CPS1: variants seen among roughly 807,000 people sequenced by gnomAD.
CPS1 encodes the protein carbamoyl-phosphate synthase 1, also known as carbamoyl-phosphate synthase [ammonia], mitochondrial.
In CPS1, 109 loss-of-function variants were observed where a neutral mutation model predicts 174.6. The observed-to-expected ratio is 0.62, with a 90% confidence interval of 0.53 to 0.73. The LOEUF (loss-of-function observed/expected upper bound fraction) is 0.73. Among genes scored for constraint, CPS1 ranks in the 30% least tolerant of loss-of-function variants. The probability of loss-of-function intolerance (pLI) is 0.00; values close to 1 mark genes in which losing one functional copy is unlikely to be tolerated. For missense variants in CPS1, 1,689 were observed against 1,821.9 expected (o/e 0.93, Z 1.33); for synonymous variants, 637 against 632.0 (o/e 1.01, Z -0.12).
chr2:210,639,036 A>C, intron 22 of CPS1, 114 bp from the exon 23 acceptor site: 1 of 782,684 alleles, frequency 1.3e-6, no homozygotes, highest in Non-Finnish European at 2.2e-6. Flanking sequence ...TCCTGTTTGC[A>C]TACTTTACAG....
chr2:210,648,377 G>T, intron 26 of CPS1, 96 bp from the exon 27 acceptor site: 1 of 1,038,460 alleles, frequency 9.6e-7, no homozygotes, highest in Non-Finnish European at 1.5e-6. Context: ...AGAGAATAAA[G>T]AAGCTGGGCT....
chr2:210,641,590 A>C (rs1700226743), intron 24 of CPS1, among the ~76,000 whole-genome samples: 1 of 152,156 alleles, frequency 6.6e-6, no homozygotes, highest in South Asian at 2.1e-4. Flanking sequence ...CTTATGGTGA[A>C]ATAGCCTGAC....
chr2:210,650,254 C>T, intron 27 of CPS1, 109 bp from the exon 28 acceptor site: 1 of 885,644 alleles, frequency 1.1e-6, no homozygotes, highest in Non-Finnish European at 1.9e-6. Flanking sequence ...GAGGCACCTT[C>T]TTATTCAGCC....
intron 11 of CPS1, chr2:210,593,431 A>G: frequency 9.9e-7 from 1 of 1,013,020 alleles, no homozygotes; most frequent in Non-Finnish European, 1.2e-6. Flanking sequence ...ATGCATGCAC[A>G]TACATAGATG....
intron 1 of CPS1, among the ~76,000 whole-genome samples, chr2:210,512,738 A>T (rs1223022088): frequency 0.017 from 36 of 2,144 alleles, no homozygotes; most frequent in South Asian, 0.056. Context: ...CAGTAGTTTT[A>T]TATATATATA....
intron 3 of CPS1, 97 bp downstream of exon 3, chr2:210,576,587 C>A: frequency 7.9e-7 from 1 of 1,268,034 alleles, no homozygotes; most frequent in South Asian, 1.2e-5. Context: ...TTCCTCAATA[C>A]GGTAGTACAA....
intron 1 of CPS1, among the ~76,000 whole-genome samples, chr2:210,507,834 TA>T (rs1203263342): frequency 2.0e-5 from 3 of 152,226 alleles, no homozygotes; most frequent in Admixed American, 6.5e-5. Context: ...CTAACTATCC[TA>T]AATATATATG....
intron 1 of CPS1, among the ~76,000 whole-genome samples, chr2:210,497,918 A>ATATCTATC (rs970136471): frequency 7.0e-6 from 1 of 142,194 alleles, no homozygotes; most frequent in African/African-American, 2.6e-5. Flanking sequence ...ATATATATAT[A>ATATCTATC]TCTCCAGTAA....
At chr2:210,490,851 T>C (rs1217828624) in intron 1 of CPS1, among the ~76,000 whole-genome samples, 1 of 152,214 alleles carries the variant, frequency 6.6e-6, no homozygotes, top group East Asian at 1.9e-4. Context: ...AGTTTTTGTG[T>C]GTAAGATAAT....
intron 31 of CPS1, 97 bp from the exon 32 acceptor site, chr2:210,660,388 G>A (rs1700877035): frequency 2.4e-6 from 3 of 1,251,876 alleles, no homozygotes. Flanking sequence ...CTGGTCCCCA[G>A]TTAATAACAG....
At chr2:210,668,786 T>A (rs1701192301) in intron 34 of CPS1, among the ~76,000 whole-genome samples, 1 of 152,116 alleles carries the variant, frequency 6.6e-6, no homozygotes, top group South Asian at 2.1e-4. Flanking sequence ...CATCCCATAT[T>A]TCCAACAATC....
At position 210,511,099 on chromosome 2, in the gene CPS1, C is replaced by G. The variant is rs532970589; in HGVS notation, c.3+33333C>G. ...ATGCACACGTATGTTTATTGTGGCA[C>G]TATTCACAATAGCAAAGACTTGGAA... On this transcript the variant is annotated intron_variant, in intron 1 of 38. Transcript: ENST00000430249. 2.4e-3 allele frequency among the ~76,000 whole-genome samples: 368 copies of G among 152,182 alleles called. 1 individual carries two copies. The highest frequency in any genetic ancestry group is 8.5e-3 in the African/African-American group (355 of 41,532).
At chr2:210,585,540 G>A (rs1232445698) in intron 6 of CPS1, among the ~76,000 whole-genome samples, 1 of 151,808 alleles carries the variant, frequency 6.6e-6, no homozygotes, top group Admixed American at 6.6e-5. Context: ...AAGAAACTAG[G>A]GTGTAGAGAG....
chr2:210,572,272 G>A (rs1233358919), intron 1 of CPS1, among the ~76,000 whole-genome samples: 2 of 151,894 alleles, frequency 1.3e-5, no homozygotes, highest in Non-Finnish European at 2.9e-5. Context: ...AAATTACTTA[G>A]TATAATCAAA....
At chr2:210,566,725 G>A (rs943554399) in intron 1 of CPS1, among the ~76,000 whole-genome samples, 3 of 152,180 alleles carry the variant, frequency 2.0e-5, no homozygotes, top group Admixed American at 2.0e-4. Context: ...GTTAGTTCAA[G>A]TGTAAAATGG....
chr2:210,479,065 C>T (rs1193707703), intron 1 of CPS1, among the ~76,000 whole-genome samples: 1 of 151,900 alleles, frequency 6.6e-6, no homozygotes, highest in Non-Finnish European at 1.5e-5. Context: ...TTGTATTTAT[C>T]TACTCAGGCT....
At chr2:210,534,991 C>T (rs567268305) in intron 1 of CPS1, among the ~76,000 whole-genome samples, 1 of 152,160 alleles carries the variant, frequency 6.6e-6, no homozygotes, top group Non-Finnish European at 1.5e-5. Flanking sequence ...ACTGGGTCTG[C>T]ATGGGCCTGC....
chr2:210,606,978 CT>C, intron 18 of CPS1, 37 bp downstream of exon 18: 3 of 1,577,316 alleles, frequency 1.9e-6, no homozygotes, highest in Non-Finnish European at 2.6e-6. Flanking sequence ...TTTGCAGATT[CT>C]TTTCAGATAG....
intron 17 of CPS1, among the ~76,000 whole-genome samples, chr2:210,605,517 T>G (rs547161653): frequency 6.6e-6 from 1 of 151,864 alleles, no homozygotes. Flanking sequence ...ATAAGATCCA[T>G]AAAACTTAGT....
Sources: allele counts gnomAD v4.1 joint callset (sites outside exome capture counted in the v4.1 genomes callset), GRCh38; gene constraint gnomAD v4.1.1; transcripts MANE v1.5; gene names NCBI Gene and HGNC (gene_info 2026-07-23, HGNC 2026-07-21).